UGCG: variants seen among roughly 807,000 people sequenced by gnomAD.
UGCG encodes the protein ceramide glucosyltransferase.
Under a neutral mutation model 49.5 loss-of-function variants are expected in UGCG, and 10 were observed. The ratio of observed to expected loss-of-function variants is 0.20; its 90% confidence interval spans 0.12 to 0.34. The LOEUF (loss-of-function observed/expected upper bound fraction) is 0.34, where lower values mean the gene tolerates loss of function less well. Ranked by LOEUF, UGCG falls within the 10% of genes least tolerant of loss-of-function variation. The probability of loss-of-function intolerance (pLI) is 1.00; values close to 1 mark genes in which losing one functional copy is unlikely to be tolerated. For synonymous variants in UGCG, 182 were observed against 158.2 expected (o/e 1.15, Z -1.13); for missense variants, 312 against 483.7 (o/e 0.65, Z 3.33).
intron 2 of UGCG, among the ~76,000 whole-genome samples, chr9:111,917,913 A>G (rs1033403415): frequency 5.3e-5 from 8 of 152,266 alleles, no homozygotes; most frequent in Admixed American, 3.3e-4. Context: ...ATCTGCGTCT[A>G]AAGTGGCTTG....
intron 4 of UGCG, among the ~76,000 whole-genome samples, chr9:111,925,980 T>C (rs897454298): frequency 1.3e-5 from 2 of 152,138 alleles, no homozygotes; most frequent in Non-Finnish European, 2.9e-5. Flanking sequence ...ACAGAGAAAA[T>C]AGTCTCATTT....
chr9:111,900,365 A>G (rs1485633280), intron 1 of UGCG, among the ~76,000 whole-genome samples: 3 of 152,122 alleles, frequency 2.0e-5, no homozygotes, highest in Non-Finnish European at 4.4e-5. Context: ...ATCAGGCTTT[A>G]TCTTTCGACT....
intron 1 of UGCG, 121 bp downstream of exon 1, chr9:111,897,434 C>T (rs1837684214): frequency 1.7e-5 from 13 of 751,990 alleles, no homozygotes; most frequent in Admixed American, 2.7e-5. Context: ...GAAAGCTGAT[C>T]GTCAGGCTGT....
intron 5 of UGCG, 40 bp from the exon 6 acceptor site, chr9:111,929,460 A>G (rs372336220): frequency 2.2e-4 from 346 of 1,574,980 alleles, no homozygotes; most frequent in Non-Finnish European, 1.6e-4. Context: ...TGCTTTTAAC[A>G]TGAAATTCTA....
At chr9:111,932,087 A>G (rs1838436545) in intron 7 of UGCG, 83 bp from the exon 8 acceptor site, 1 of 1,431,000 alleles carries the variant, frequency 7.0e-7, no homozygotes, top group Non-Finnish European at 9.5e-7. Flanking sequence ...AGGGTAAAAA[A>G]ATTGATTATT....
At chr9:111,913,221 C>T (rs893504949) in intron 1 of UGCG, among the ~76,000 whole-genome samples, 2 of 152,210 alleles carry the variant, frequency 1.3e-5, no homozygotes, top group African/African-American at 4.8e-5. Context: ...GAACATGTGT[C>T]TTAGAATATC....
chr9:111,907,140 A>T (rs1211938486), intron 1 of UGCG, among the ~76,000 whole-genome samples: 1 of 152,152 alleles, frequency 6.6e-6, no homozygotes, highest in Non-Finnish European at 1.5e-5. Flanking sequence ...CCACACTTGG[A>T]GTATGAAAGT....
chr9:111,901,875 G>A (rs1837781401), intron 1 of UGCG, among the ~76,000 whole-genome samples: 2 of 152,026 alleles, frequency 1.3e-5, no homozygotes, highest in Admixed American at 1.3e-4. Context: ...GTGCCCCCTC[G>A]ATTTTATATT....
At position 111,921,802 on chromosome 9, in the gene UGCG, A is replaced by ATTTTTTTTTTTTTTTTTTTTT. The variant is rs71373800; in HGVS notation, c.241-1041_241-1021dup. Among the ~76,000 whole-genome samples the ATTTTTTTTTTTTTTTTTTTTT allele has an allele frequency of 2.3e-3, 127 of 55,534 alleles. 29 individuals are homozygous for ATTTTTTTTTTTTTTTTTTTTT. The highest frequency in any genetic ancestry group is 4.6e-3 in the Admixed American group (15 of 3,234). The allele number at this position is 55,534 out of a possible 152,430, so 36.4% of individuals were successfully genotyped here. On this transcript the variant is annotated intron_variant, in intron 2 of 8. Coordinates refer to ENST00000374279, the MANE Select transcript of UGCG (RefSeq NM_003358.3). ...TTTTTAAAATAAATGCCCCAGGGTGATTTTTTTTTTTTTTTTTTTTTTTTT... is the reference window on the plus strand; with the variant it reads ...TTTTTAAAATAAATGCCCCAGGGTGATTTTTTTTTTTTTTTTTTTTTTTTTTTTTTTTTTTTTTTTTTTTTT...
Position 111,929,377 on chromosome 9 carries a change from C to T in UGCG, c.559-123C>T, listed in dbSNP as rs1838380454. On this transcript the variant is annotated intron_variant, in intron 5 of 8. Coordinates refer to ENST00000374279, the MANE Select transcript of UGCG (RefSeq NM_003358.3). ...TACCACTTTTTATTCAGGTAGTCTACGTAAGAATAATAAGATATTCACTCA... is the reference window on the plus strand; with the variant it reads ...TACCACTTTTTATTCAGGTAGTCTATGTAAGAATAATAAGATATTCACTCA... The T allele has an allele frequency of 6.9e-6, 7 of 1,007,872 alleles. No individual in the cohort carries two copies. The East Asian group carries it at 8.4e-5, about 12-fold the overall frequency. The allele number at this position is 1,007,872 out of a possible 1,614,324, so 62.4% of individuals were successfully genotyped here.
intron 8 of UGCG, 115 bp from the exon 9 acceptor site, chr9:111,932,712 C>A: frequency 1.0e-6 from 1 of 983,302 alleles, no homozygotes. Flanking sequence ...CATAAGGAAG[C>A]AGACTTGATT....
chr9:111,929,056 AC>A (rs1360204193), intron 5 of UGCG, among the ~76,000 whole-genome samples: 2 of 122,360 alleles, frequency 1.6e-5, no homozygotes, highest in Non-Finnish European at 3.5e-5. Context: ...CCCACCCCCC[AC>A]CCCCCAAAAA....
intron 1 of UGCG, among the ~76,000 whole-genome samples, chr9:111,904,319 C>G (rs1837834454): frequency 6.6e-6 from 1 of 152,196 alleles, no homozygotes; most frequent in African/African-American, 2.4e-5. Context: ...TTGGTAGTCT[C>G]AGGGCTCAGC....
At chr9:111,912,822 C>A (rs931791593) in intron 1 of UGCG, among the ~76,000 whole-genome samples, 1 of 152,150 alleles carries the variant, frequency 6.6e-6, no homozygotes, top group Non-Finnish European at 1.5e-5. Context: ...CTTGGTGTAT[C>A]AGAAATTGAT....
At chr9:111,919,203 T>A (rs1023454949) in intron 2 of UGCG, among the ~76,000 whole-genome samples, 2 of 152,178 alleles carry the variant, frequency 1.3e-5, no homozygotes, top group African/African-American at 4.8e-5. Flanking sequence ...AAAATAGCAT[T>A]AAAAAAGCAT....
chr9:111,928,699 C>G (rs78918506), intron 5 of UGCG, among the ~76,000 whole-genome samples: 2,045 of 152,290 alleles, frequency 0.013, 55 homozygotes, highest in African/African-American at 0.047. Context: ...TTCTCTTGCT[C>G]TGCACTGTGT....
chr9:111,918,128 G>A (rs1275820374), intron 2 of UGCG, among the ~76,000 whole-genome samples: 1 of 151,470 alleles, frequency 6.6e-6, no homozygotes, highest in South Asian at 2.1e-4. Flanking sequence ...TGCCACTTCC[G>A]CCTCCCGGGT....
intron 1 of UGCG, among the ~76,000 whole-genome samples, chr9:111,910,932 A>G (rs1837985446): frequency 6.6e-6 from 1 of 152,116 alleles, no homozygotes; most frequent in Non-Finnish European, 1.5e-5. Context: ...TTTTTAGTAG[A>G]GACGGAGTTT....
rs1837673809 is a variant in UGCG, at chr9:111,897,021, AGGCGAGAGCGCGCG to A, written c.-190_-177del. The stretch of plus-strand genomic sequence containing the variant: ...CGCGAGCGCGCCGAAGACAGCGCGC[AGGCGAGAGCGCGCG>A]GGCGGGGGCGCGCAGGCCCTGCCCG... On this transcript the variant is annotated 5_prime_UTR_variant, in exon 1 of 9. Transcript: ENST00000374279. 2 of 328,024 alleles carry A rather than the reference AGGCGAGAGCGCGCG, an allele frequency of 6.1e-6. No homozygotes were observed. Among genetic ancestry groups the A allele is most frequent in the Non-Finnish European group, 1.1e-5 (2 of 183,982 alleles). The allele number at this position is 328,024 out of a possible 1,614,324, so 20.3% of individuals were successfully genotyped here. A position where few individuals can be genotyped will look rare whatever the true frequency, so the allele number is the denominator to read the frequency against.
Sources: gnomAD v4.1 joint callset for allele counts (sites outside exome capture counted in the v4.1 genomes callset) on GRCh38, gnomAD v4.1.1 for gene constraint, MANE v1.5 for transcripts, NCBI Gene and HGNC (gene_info 2026-07-23, HGNC 2026-07-21) for gene names.